EVC2: variants seen among roughly 807,000 people sequenced by gnomAD.
The protein encoded by EVC2 is EvC ciliary complex subunit 2.
In EVC2, 148 loss-of-function variants were observed where a neutral mutation model predicts 149.3. That is an observed-to-expected ratio of 0.99 (90% confidence interval 0.87 to 1.14). The LOEUF (loss-of-function observed/expected upper bound fraction) is 1.14. Ranked by LOEUF, EVC2 falls within the 50% of genes most tolerant of loss-of-function variation. The pLI is 0.00. For missense variants in EVC2, 1,854 were observed against 1,627.3 expected (o/e 1.14, Z -2.40); for synonymous variants, 776 against 649.9 (o/e 1.19, Z -2.95).
the EVC2 span, among the ~76,000 whole-genome samples, chr4:5,532,562 T>A: frequency 6.6e-6 from 1 of 152,098 alleles, no homozygotes; most frequent in Admixed American, 6.5e-5. Context: ...GAGCCTCTGT[T>A]TTCACCAGCT....
Position 5,613,198 on chromosome 4 carries a change from G to T in EVC2, c.2829+2224C>A, listed in dbSNP as rs1331609151. Among the ~76,000 whole-genome samples, 1 of 152,064 alleles carries T rather than the reference G, an allele frequency of 6.6e-6. No individual in the cohort carries two copies. The highest frequency in any genetic ancestry group is 1.5e-5 in the Non-Finnish European group (1 of 67,998). On this transcript the variant is annotated intron_variant, in intron 16 of 21. Coordinates refer to ENST00000344408, the MANE Select transcript of EVC2 (RefSeq NM_147127.5). The surrounding 1 kb of genome is among the most constrained non-coding windows in gnomAD (Gnocchi z 4.6). ...TTTGAGCAGGTTCCTCCACGGGGCT[G>T]CTCCCCCATCCACTGGCCATGACCC...
intron 10 of EVC2, among the ~76,000 whole-genome samples, chr4:5,638,250 G>A (rs1347466732): frequency 6.6e-6 from 1 of 152,068 alleles, no homozygotes; most frequent in South Asian, 2.1e-4. Context: ...TTAGCCGGGC[G>A]TGGTGGCAAG....
At chr4:5,532,971 T>C in the EVC2 span, among the ~76,000 whole-genome samples, 2 of 151,142 alleles carry the variant, frequency 1.3e-5, no homozygotes, top group Admixed American at 6.6e-5. Flanking sequence ...AGAAGAGGAA[T>C]AAAGGAACCG....
intron 9 of EVC2, among the ~76,000 whole-genome samples, chr4:5,641,072 TAA>T (rs2108864755): frequency 1.3e-5 from 2 of 152,266 alleles, no homozygotes; most frequent in Non-Finnish European, 2.9e-5. Flanking sequence ...ATAATCAATA[TAA>T]GACATGTTTC....
chr4:5,549,360 G>T (rs1487022067), intron 21 of EVC2, among the ~76,000 whole-genome samples: 11 of 152,316 alleles, frequency 7.2e-5, no homozygotes, highest in Middle Eastern at 3.4e-3. Context: ...GTAGTAAAGA[G>T]GTTGAAGAAC....
intron 6 of EVC2, among the ~76,000 whole-genome samples, chr4:5,682,404 G>A (rs1172480039): frequency 6.6e-6 from 1 of 151,172 alleles, no homozygotes; most frequent in African/African-American, 2.4e-5. Flanking sequence ...GCAGGAGAAT[G>A]GCTTGAACCC....
At chr4:5,672,359 G>C (rs1719702234) in intron 7 of EVC2, among the ~76,000 whole-genome samples, 1 of 152,312 alleles carries the variant, frequency 6.6e-6, no homozygotes, top group East Asian at 1.9e-4. Context: ...GGGAATCAGG[G>C]GAACAACTAA....
chr4:5,593,361 A>G (rs1336296145), intron 16 of EVC2, among the ~76,000 whole-genome samples: 1 of 152,152 alleles, frequency 6.6e-6, no homozygotes, highest in African/African-American at 2.4e-5. Flanking sequence ...AAGCTTTTCA[A>G]TAAACATTTA....
rs1443006449 is a variant in EVC2 at position 5,584,861 on chromosome 4, A to T, written c.2830-11T>A. 1 of 1,614,050 alleles carries T rather than the reference A, an allele frequency of 6.2e-7. No individual in the cohort carries two copies. On this transcript the variant is annotated splice_polypyrimidine_tract_variant and intron_variant, in intron 16 of 21. Coordinates refer to ENST00000344408, the MANE Select transcript of EVC2 (RefSeq NM_147127.5). ...CAATTCACCTCGAACCTGGGAGGGGACAGGGATGGACCCAAACCCAGAGAG... is the reference window on the plus strand; with the variant it reads ...CAATTCACCTCGAACCTGGGAGGGGTCAGGGATGGACCCAAACCCAGAGAG...
chr4:5,708,203 T>C (rs1722339502), intron 1 of EVC2, 83 bp downstream of exon 1: 4 of 1,237,692 alleles, frequency 3.2e-6, no homozygotes, highest in Non-Finnish European at 3.2e-6. Context: ...TGCGAAATAC[T>C]AAGGGTCCTC....
chr4:5,686,659 A>G lies in EVC2; in HGVS notation c.707-1180T>C, dbSNP rs1179166656. Among the ~76,000 whole-genome samples, 2 of 152,206 alleles carry G rather than the reference A, an allele frequency of 1.3e-5. No homozygotes were observed. The highest frequency in any genetic ancestry group is 2.9e-5 in the Non-Finnish European group (2 of 68,042). On this transcript the variant is annotated intron_variant, in intron 5 of 21. Transcript: ENST00000344408. The surrounding 1 kb of genome is among the most constrained non-coding windows in gnomAD (Gnocchi z 5.4). ...GCCACCTGACCCTCTGGGTCCCATC[A>G]TCTTTTCCCCAAACAACACTGGCTC...
intron 9 of EVC2, among the ~76,000 whole-genome samples, chr4:5,662,109 A>C (rs943116470): frequency 2.6e-5 from 4 of 152,104 alleles, no homozygotes; most frequent in African/African-American, 9.7e-5. Flanking sequence ...TCAATACCCC[A>C]ATCTGCACAT....
downstream of EVC2, among the ~76,000 whole-genome samples, chr4:5,539,151 A>T (rs533409901): frequency 6.6e-5 from 10 of 152,346 alleles, no homozygotes; most frequent in African/African-American, 2.4e-4. Flanking sequence ...TCTATGATTT[A>T]GTAATAAAAA....
Position 5,615,472 on chromosome 4 carries a change from C to G in EVC2, c.2779G>C (p.Asp927His). ...KGELLKKCIE[D>H]KIHLCEEQAS... is the part of the protein sequence containing the mutation. ...TGTTCCTCACAGAGGTGAATTTTGTCTTCGATGCACTTCTTCAGAAGCTCT... is the reference window on the plus strand; with the variant it reads ...TGTTCCTCACAGAGGTGAATTTTGTGTTCGATGCACTTCTTCAGAAGCTCT... The change falls in exon 16 of 22, where the codon GAC (aspartate) becomes CAC (histidine). Residue 927 changes from aspartate (D) to histidine (H), a missense_variant. Transcript: ENST00000344408. 6.2e-7 allele frequency: 1 copy of G among 1,614,228 alleles called. No homozygotes were observed. Among genetic ancestry groups the G allele is most frequent in the Non-Finnish European group, 8.5e-7 (1 of 1,180,042 alleles).
chr4:5,646,680 T>C (rs533869849), intron 9 of EVC2, among the ~76,000 whole-genome samples: 7 of 152,224 alleles, frequency 4.6e-5, no homozygotes, highest in African/African-American at 1.7e-4. Context: ...TGAGTTTGGG[T>C]TTGTTTGTTT....
At chr4:5,703,700 G>C (rs984503788) in intron 1 of EVC2, among the ~76,000 whole-genome samples, 3 of 152,024 alleles carry the variant, frequency 2.0e-5, no homozygotes, top group African/African-American at 7.2e-5. Flanking sequence ...GACATCAAAA[G>C]TTCTACTCTC....
rs2108851855 is a variant in EVC2, at chr4:5,632,040, G to C, written c.1471-8C>G. On this transcript the variant is annotated splice_region_variant and splice_polypyrimidine_tract_variant and intron_variant, in intron 10 of 21. Coordinates refer to ENST00000344408, the MANE Select transcript of EVC2 (RefSeq NM_147127.5). ...GCTGCACTCTACAGCAGACTGGAGA[G>C]AGGAAAGGGAGAGCGTGAGAAACTG... is the stretch of plus-strand genomic sequence containing the variant. 1.2e-6 allele frequency: 2 copies of C among 1,613,746 alleles called. No individual in the cohort carries two copies. Among genetic ancestry groups the C allele is most frequent in the African/African-American group, 2.7e-5 (2 of 75,066 alleles).
chr4:5,618,397 G>A lies in EVC2; in HGVS notation c.2706+81C>T. The A allele has an allele frequency of 1.3e-6, 2 of 1,527,538 alleles. No homozygotes were observed. The highest frequency in any genetic ancestry group is 1.8e-6 in the Non-Finnish European group (2 of 1,106,882). The allele number at this position is 1,527,538 out of a possible 1,614,324, so 94.6% of individuals were successfully genotyped here. A position where few individuals can be genotyped will look rare whatever the true frequency, so the allele number is the denominator to read the frequency against. The stretch of plus-strand genomic sequence containing the variant: ...CATGAGGTGAGATGGGCTCAGGCTG[G>A]GGAAGAGGCCAGACCCTGTAGGGCC... On this transcript the variant is annotated intron_variant, in intron 15 of 21. Transcript: ENST00000344408. The surrounding 1 kb of genome is among the most constrained non-coding windows in gnomAD (Gnocchi z 4.4).
chr4:5,622,428 G>C lies in EVC2; in HGVS notation c.2501+109C>G. On this transcript the variant is annotated intron_variant, in intron 14 of 21. Transcript: ENST00000344408. The surrounding 1 kb of genome is among the most constrained non-coding windows in gnomAD (Gnocchi z 5.8). The stretch of plus-strand genomic sequence containing the variant: ...CTAATTAACGCTGGTAATCTCATCT[G>C]TCTGGGGCCAGGTGTCTCATGCTTG... The C allele has an allele frequency of 7.8e-7, 1 of 1,276,760 alleles. No individual in the cohort carries two copies. Among genetic ancestry groups the C allele is most frequent in the Non-Finnish European group, 1.1e-6 (1 of 896,496 alleles). 79.1% of individuals were successfully genotyped at this position (1,276,760 alleles called of 1,614,324 possible).
Sources: allele counts gnomAD v4.1 joint callset (sites outside exome capture counted in the v4.1 genomes callset), GRCh38; gene constraint gnomAD v4.1.1; non-coding constraint Gnocchi (gnomAD v3.1); transcripts MANE v1.5; gene names NCBI Gene and HGNC (gene_info 2026-07-23, HGNC 2026-07-21).